ASTN1: variants seen among roughly 807,000 people sequenced by gnomAD.
The protein encoded by ASTN1 is astrotactin-1.
ASTN1 carries 41 observed loss-of-function variants against 140.7 expected under a neutral mutation model. The observed-to-expected ratio is 0.29, with a 90% CI of 0.23 to 0.38. ASTN1 has a LOEUF of 0.38. ASTN1 is among the 10% of genes least tolerant of loss of function. ASTN1 has a pLI of 1.00. For missense variants in ASTN1, 1,479 were observed against 1,678.8 expected, an observed-to-expected ratio of 0.88 and a Z score of 2.08; for synonymous variants, 640 against 652.2, an observed-to-expected ratio of 0.98 and a Z score of 0.29.
intron 5 of ASTN1, among the ~76,000 whole-genome samples, chr1:177,026,440 C>T (rs533370913): frequency 3.1e-4 from 47 of 152,206 alleles, no homozygotes; most frequent in African/African-American, 1.1e-3. Context: ...CCATTATATC[C>T]AACTCTTTTC....
At chr1:177,145,942 A>G (rs1682702066) in intron 1 of ASTN1, among the ~76,000 whole-genome samples, 1 of 152,202 alleles carries the variant, frequency 6.6e-6, no homozygotes, top group African/African-American at 2.4e-5. Context: ...CCTAAAAATT[A>G]TTGAGAATCA....
At chr1:176,990,139 A>G (rs1674089915) in intron 8 of ASTN1, among the ~76,000 whole-genome samples, 2 of 147,696 alleles carry the variant, frequency 1.4e-5, no homozygotes, top group Admixed American at 1.4e-4. Context: ...GGGAGGGAAC[A>G]TGAGAGCCTG....
At chr1:177,068,899 G>A (rs1678497086) in intron 1 of ASTN1, among the ~76,000 whole-genome samples, 1 of 148,536 alleles carries the variant, frequency 6.7e-6, no homozygotes, top group Non-Finnish European at 1.5e-5. Context: ...GCTCACTTCA[G>A]CCTCTACCTA....
chr1:176,944,018 C>T lies in ASTN1; in HGVS notation c.2250G>A (p.Arg750=). 6.2e-7 allele frequency: 1 copy of T among 1,613,778 alleles called. No individual in the cohort carries two copies. Among genetic ancestry groups the T allele is most frequent in the South Asian group, 1.1e-5 (1 of 91,036 alleles). The change falls in exon 14 of 23, where the codon AGG becomes AGA. Residue 750 remains arginine, a splice_region_variant and synonymous_variant. Coordinates refer to ENST00000361833, the MANE Select transcript of ASTN1 (RefSeq NM_004319.3). The part of the protein sequence containing the change: ...AAGQVLKGTF[R]QNNFARGLDQ... ...CTAAACCACGAGCAAAGTTGTTTTGCCTAGAAAGAGGGTAGACCTTCATTT... is the reference window on the plus strand; with the variant it reads ...CTAAACCACGAGCAAAGTTGTTTTGTCTAGAAAGAGGGTAGACCTTCATTT...
chr1:177,126,747 TTGCTCAC>T (rs1277897051), intron 1 of ASTN1, among the ~76,000 whole-genome samples: 1 of 152,232 alleles, frequency 6.6e-6, no homozygotes, highest in East Asian at 1.9e-4. Context: ...CATTATTTCC[TTGCTCAC>T]TGCTCATTCT....
rs1677700673 is a variant in ASTN1, at chr1:177,054,510, G to A, written c.471+6568C>T. Reference sequence around the variant, plus strand: ...CGGCTCTGACCTGTGCGTGGAGCAGGAGTGTACCACATAAGCCCACCTCCC... The same window carrying A: ...CGGCTCTGACCTGTGCGTGGAGCAGAAGTGTACCACATAAGCCCACCTCCC... On this transcript the variant is annotated intron_variant, in intron 2 of 22. Coordinates refer to ENST00000361833, the MANE Select transcript of ASTN1 (RefSeq NM_004319.3). Among the ~76,000 whole-genome samples the A allele has an allele frequency of 3.3e-5, 5 of 152,208 alleles. No homozygotes were observed. In the South Asian group the frequency reaches 1.0e-3, roughly 32 times the overall value.
intron 1 of ASTN1, among the ~76,000 whole-genome samples, chr1:177,142,892 G>GA (rs59942849): frequency 0.051 from 6,487 of 127,376 alleles, 205 homozygotes; most frequent in Non-Finnish European, 0.064. Flanking sequence ...GAGCAAGGAG[G>GA]AAAAAAAAAA....
chr1:177,012,123 T>C (rs1675325714), intron 8 of ASTN1, among the ~76,000 whole-genome samples: 1 of 152,238 alleles, frequency 6.6e-6, no homozygotes, highest in South Asian at 2.1e-4. Context: ...AGACATACCA[T>C]TGATTTTTCC....
intron 16 of ASTN1, among the ~76,000 whole-genome samples, chr1:176,902,233 G>A (rs894069248): frequency 6.6e-6 from 1 of 152,134 alleles, no homozygotes; most frequent in African/African-American, 2.4e-5. Flanking sequence ...CCCTGTTGAC[G>A]TTTTTCTTTT....
At chr1:177,156,243 G>A (rs367892103) in intron 1 of ASTN1, among the ~76,000 whole-genome samples, 5 of 150,618 alleles carry the variant, frequency 3.3e-5, no homozygotes, top group East Asian at 2.0e-4. Flanking sequence ...GCACTCCAGC[G>A]TGGGCAACAA....
intron 16 of ASTN1, among the ~76,000 whole-genome samples, chr1:176,926,213 G>T (rs898643801): frequency 1.3e-5 from 2 of 151,046 alleles, no homozygotes; most frequent in Admixed American, 1.3e-4. Flanking sequence ...AATGGGGAGG[G>T]TAAGACTTAA....
chr1:177,048,977 C>T (rs1411439176), intron 2 of ASTN1, among the ~76,000 whole-genome samples: 1 of 152,220 alleles, frequency 6.6e-6, no homozygotes, highest in Non-Finnish European at 1.5e-5. Flanking sequence ...GGAACTTCTT[C>T]CTTTCAACTC....
At chr1:176,961,195 T>C (rs903628678) in intron 9 of ASTN1, among the ~76,000 whole-genome samples, 48 of 152,160 alleles carry the variant, frequency 3.2e-4, no homozygotes, top group Non-Finnish European at 6.5e-4. Context: ...TGTTCAAATT[T>C]AAAGGTGGAA....
chr1:177,119,854 C>A (rs1037903821), intron 1 of ASTN1, among the ~76,000 whole-genome samples: 3 of 152,194 alleles, frequency 2.0e-5, no homozygotes, highest in African/African-American at 7.2e-5. Flanking sequence ...CCCTTAACAT[C>A]CCCCTCTTCC....
Position 176,863,052 on chromosome 1 carries a change from C to T in ASTN1, c.*1232G>A. ...AAGGCTGGGCTTCCTGTTGGCTGGG[C>T]CACCATTCATGACCATGCCAATGCT... On this transcript the variant is annotated 3_prime_UTR_variant, in exon 23 of 23. Transcript: ENST00000361833. 1 of 985,616 alleles carries T rather than the reference C, an allele frequency of 1.0e-6. No individual in the cohort carries two copies. The highest frequency in any genetic ancestry group is 1.2e-6 in the Non-Finnish European group (1 of 829,956). 61.1% of individuals were successfully genotyped at this position (985,616 alleles called of 1,614,324 possible). A position where few individuals can be genotyped will look rare whatever the true frequency, so the allele number is the denominator to read the frequency against.
At chr1:177,157,089 A>G (rs1226420386) in intron 1 of ASTN1, among the ~76,000 whole-genome samples, 4 of 152,248 alleles carry the variant, frequency 2.6e-5, no homozygotes, top group Non-Finnish European at 5.9e-5. Flanking sequence ...ATCCTGGAAC[A>G]GAAAAACAAT....
In ASTN1 at chr1:176,935,026, C is replaced by T. The variant is rs557274508; in HGVS notation, c.2483-686G>A. Among the ~76,000 whole-genome samples, 341 of 152,314 alleles carry T rather than the reference C, an allele frequency of 2.2e-3. 1 individual carries two copies. The highest frequency in any genetic ancestry group is 0.01 in the Middle Eastern group (3 of 294). ...AAGAGAAAACTTGTTGGCCTCCTCT[C>T]CCCCAACCCTGCAGGCAAATCTTCT... On this transcript the variant is annotated intron_variant, in intron 15 of 22. Transcript: ENST00000361833.
intron 22 of ASTN1, among the ~76,000 whole-genome samples, chr1:176,865,669 C>T (rs1668107376): frequency 6.6e-6 from 1 of 152,226 alleles, no homozygotes; most frequent in Non-Finnish European, 1.5e-5. Context: ...GCTAGTCTAA[C>T]TCATGGGCAG....
intron 8 of ASTN1, among the ~76,000 whole-genome samples, chr1:176,999,181 G>A (rs924970412): frequency 6.6e-6 from 1 of 152,176 alleles, no homozygotes; most frequent in Non-Finnish European, 1.5e-5. Flanking sequence ...GAGACACATG[G>A]AGACTGTGGA....
Sources: gnomAD v4.1 joint callset for allele counts (sites outside exome capture counted in the v4.1 genomes callset) on GRCh38, gnomAD v4.1.1 for gene constraint, MANE v1.5 for transcripts, NCBI Gene and HGNC (gene_info 2026-07-23, HGNC 2026-07-21) for gene names.